Variants in RBFOX1 observed in about 807,000 individuals in gnomAD.
The protein encoded by RBFOX1 is RNA binding fox-1 homolog 1.
RBFOX1 carries 8 observed loss-of-function variants against 57.7 expected under a neutral mutation model. The ratio of observed to expected loss-of-function variants is 0.14; its 90% confidence interval spans 0.08 to 0.25. The LOEUF (loss-of-function observed/expected upper bound fraction) is 0.25, where lower values mean the gene tolerates loss of function less well. Among genes scored for constraint, RBFOX1 ranks in the 10% least tolerant of loss-of-function variants. The pLI is 1.00. For missense variants in RBFOX1, 611 were observed against 548.5 expected (o/e 1.11, Z -1.14); for synonymous variants, 326 against 222.4 (o/e 1.47, Z -4.15).
intron 14 of RBFOX1, among the ~76,000 whole-genome samples, chr16:7,690,556 TGAGA>T (rs1261118175): frequency 6.6e-6 from 1 of 152,132 alleles, no homozygotes; most frequent in African/African-American, 2.4e-5. Context: ...GGGTCTGTGT[TGAGA>T]GAAAGCAGCA....
intron 3 of RBFOX1, among the ~76,000 whole-genome samples, chr16:6,808,219 C>G (rs114673722): frequency 0.015 from 2,295 of 150,306 alleles, 58 homozygotes; most frequent in African/African-American, 0.053. Flanking sequence ...GAAGTATGCA[C>G]TAGCTTCCAG....
In RBFOX1 at chr16:6,846,822, A is replaced by G. The variant is rs899797393; in HGVS notation, c.-16+192172A>G. The stretch of plus-strand genomic sequence containing the variant: ...TATTCATTTGTAAGCAGCTGCTTTA[A>G]TAAGCCTACAGGATCTTGGATGGCA... On this transcript the variant is annotated intron_variant, in intron 3 of 15. Coordinates refer to ENST00000550418, the MANE Select transcript of RBFOX1 (RefSeq NM_018723.4). Among the ~76,000 whole-genome samples the G allele has an allele frequency of 3.3e-5, 5 of 152,128 alleles. No homozygotes were observed. The South Asian group carries it at 6.2e-4, about 19-fold the overall frequency.
chr16:6,901,083 G>A (rs1474139845), intron 3 of RBFOX1, among the ~76,000 whole-genome samples: 1 of 152,160 alleles, frequency 6.6e-6, no homozygotes, highest in East Asian at 1.9e-4. Context: ...CTTCTCAGTT[G>A]TGCCTCTCAC....
chr16:6,075,326 A>G (rs768145175), intron 1 of RBFOX1, among the ~76,000 whole-genome samples: 6 of 152,256 alleles, frequency 3.9e-5, no homozygotes, highest in Non-Finnish European at 7.3e-5. Flanking sequence ...AAATAGAGAA[A>G]TACTCATTTA....
chr16:7,629,314 A>G (rs1288151372), intron 10 of RBFOX1, among the ~76,000 whole-genome samples: 1 of 152,142 alleles, frequency 6.6e-6, no homozygotes, highest in Non-Finnish European at 1.5e-5. Flanking sequence ...GGAAGTTTTA[A>G]CTACATTTTT....
intron 1 of RBFOX1, among the ~76,000 whole-genome samples, chr16:6,075,491 T>C (rs926235876): frequency 2.0e-5 from 3 of 152,216 alleles, no homozygotes; most frequent in Admixed American, 6.5e-5. Flanking sequence ...CTTTAGAAAA[T>C]ATACTGTGTA....
At chr16:7,374,883 G>C (rs975207433) in intron 4 of RBFOX1, among the ~76,000 whole-genome samples, 1 of 152,146 alleles carries the variant, frequency 6.6e-6, no homozygotes, top group African/African-American at 2.4e-5. Context: ...CATCCAGAAA[G>C]TGTCTCTTCC....
chr16:6,957,361 G>C (rs531414945), intron 3 of RBFOX1, among the ~76,000 whole-genome samples: 3 of 151,782 alleles, frequency 2.0e-5, no homozygotes, highest in Non-Finnish European at 4.4e-5. Context: ...TCGATCTCCT[G>C]ACTTCGTGAT....
At chr16:7,450,492 G>T (rs775199429) in intron 4 of RBFOX1, among the ~76,000 whole-genome samples, 1 of 151,306 alleles carries the variant, frequency 6.6e-6, no homozygotes, top group African/African-American at 2.4e-5. Flanking sequence ...ATGTTAACTC[G>T]TAAGGATTTG....
At chr16:6,130,619 C>T (rs529846031) in intron 1 of RBFOX1, among the ~76,000 whole-genome samples, 2 of 152,076 alleles carry the variant, frequency 1.3e-5, no homozygotes, top group East Asian at 1.9e-4. Context: ...CCGTTATTTG[C>T]TGACTACAAG....
Position 5,443,145 on chromosome 16 carries a change from A to C in RBFOX1, c.220-24071A>C, listed in dbSNP as rs372280042. 2.2e-4 allele frequency among the ~76,000 whole-genome samples: 33 copies of C among 152,250 alleles called. 1 individual carries two copies. In the East Asian group the frequency reaches 6.2e-3, roughly 29 times the overall value. ...GCCTCCAGAACTGAGAGAAAGAATA[A>C]ATTTCTGTTGTAAAGCAACAAGTCT... On this transcript the variant is annotated intron_variant, in intron 1 of 2. Transcript: ENST00000585867.
intron 3 of RBFOX1, among the ~76,000 whole-genome samples, chr16:6,754,295 C>G (rs1050608676): frequency 6.6e-6 from 1 of 152,182 alleles, no homozygotes; most frequent in Non-Finnish European, 1.5e-5. Context: ...TCCGCCAACT[C>G]AATATCCTCA....
At chr16:6,121,231 G>A (rs902554412) in intron 1 of RBFOX1, among the ~76,000 whole-genome samples, 5 of 152,112 alleles carry the variant, frequency 3.3e-5, no homozygotes, top group Non-Finnish European at 7.4e-5. Context: ...TGAAGAGCTG[G>A]TCAAAACATG....
rs1358836868 is a variant in RBFOX1, at chr16:6,351,368, A to ATTTT, written c.-64+34312_-64+34313insTTTT. On this transcript the variant is annotated intron_variant, in intron 2 of 15. Transcript: ENST00000550418. ...TGTGTGTGTGTATATATATATATAT[A>ATTTT]TATATTTTTTTTTTTTTTTCTTGAG... is the stretch of plus-strand genomic sequence containing the variant. 5.7e-3 allele frequency among the ~76,000 whole-genome samples: 587 copies of ATTTT among 103,784 alleles called. 14 individuals carry two copies. The highest frequency in any genetic ancestry group is 0.023 in the African/African-American group (518 of 22,764). 68.1% of individuals were successfully genotyped at this position (103,784 alleles called of 152,430 possible).
chr16:6,447,658 A>G (rs757195072), intron 2 of RBFOX1, among the ~76,000 whole-genome samples: 2 of 152,180 alleles, frequency 1.3e-5, no homozygotes, highest in African/African-American at 4.8e-5. Flanking sequence ...GTTTACCCTT[A>G]AAGTTTGCTG....
chr16:5,527,385 TC>T (rs2044289113), intron 2 of RBFOX1, among the ~76,000 whole-genome samples: 1 of 152,168 alleles, frequency 6.6e-6, no homozygotes, highest in African/African-American at 2.4e-5. Flanking sequence ...CTGTTTCTCT[TC>T]CACCGGCTTA....
At chr16:7,213,013 G>T (rs1285327795) in intron 4 of RBFOX1, among the ~76,000 whole-genome samples, 1 of 152,104 alleles carries the variant, frequency 6.6e-6, no homozygotes, top group Non-Finnish European at 1.5e-5. Flanking sequence ...AGGCAAATAT[G>T]ATTGTGCCTA....
chr16:6,754,171 G>A (rs2075407086), intron 3 of RBFOX1, among the ~76,000 whole-genome samples: 1 of 152,064 alleles, frequency 6.6e-6, no homozygotes, highest in South Asian at 2.1e-4. Context: ...CAAATTGATT[G>A]CAAAACTCAA....
intron 3 of RBFOX1, among the ~76,000 whole-genome samples, chr16:6,954,231 T>C (rs2081317550): frequency 6.6e-6 from 1 of 150,456 alleles, no homozygotes; most frequent in African/African-American, 2.4e-5. Flanking sequence ...AACGGGGTGT[T>C]GATTTTGAAG....
Sources: allele counts gnomAD v4.1 joint callset (sites outside exome capture counted in the v4.1 genomes callset), GRCh38; gene constraint gnomAD v4.1.1; transcripts MANE v1.5; gene names NCBI Gene and HGNC (gene_info 2026-07-23, HGNC 2026-07-21).